The following NFU1 variants were observed in gnomAD, a reference collection of about 807,000 sequenced individuals.
NFU1 encodes NFU1 iron-sulfur cluster scaffold.
Under a neutral mutation model 32.2 loss-of-function variants are expected in NFU1, and 30 were observed. The ratio of observed to expected loss-of-function variants is 0.93; its 90% CI spans 0.70 to 1.26. The LOEUF (loss-of-function observed/expected upper bound fraction) is 1.26. NFU1 is among the 50% of genes most tolerant of loss of function. NFU1 has a pLI of 0.00. For synonymous variants in NFU1, 112 were observed against 104.6 expected (o/e 1.07, Z -0.43); for missense variants, 306 against 306.6 (o/e 1.00, Z 0.02).
chr2:69,423,739 A>G, intron 2 of NFU1, 22 bp from the exon 3 acceptor site: 2 of 1,540,738 alleles, frequency 1.3e-6, no homozygotes, highest in Non-Finnish European at 1.8e-6. Flanking sequence ...AAAGAAGAAA[A>G]TGTTATTCTA....
At chr2:69,403,922 T>A (rs1296005691) in intron 6 of NFU1, among the ~76,000 whole-genome samples, 1 of 151,326 alleles carries the variant, frequency 6.6e-6, no homozygotes, top group African/African-American at 2.4e-5. Flanking sequence ...CACTGCAAGC[T>A]CCGCCTCCCA....
chr2:69,424,201 A>ATATGTATATG (rs1673375739), intron 2 of NFU1, among the ~76,000 whole-genome samples: 2 of 82,170 alleles, frequency 2.4e-5, no homozygotes, highest in East Asian at 3.1e-4. Flanking sequence ...AAAAAAAAAT[A>ATATGTATATG]TATATATATA....
At chr2:69,439,053 A>G (rs1055278086), upstream of NFU1, among the ~76,000 whole-genome samples, 12 of 152,032 alleles carry the variant, frequency 7.9e-5, no homozygotes, top group African/African-American at 2.9e-4. Context: ...ATTCCTTATC[A>G]TAAGAAAAAT....
Position 69,437,430 on chromosome 2 carries a change from C to T in NFU1, c.-8G>A. The T allele has an allele frequency of 1.2e-6, 2 of 1,610,470 alleles. No homozygotes were observed. Among genetic ancestry groups the T allele is most frequent in the African/African-American group, 1.3e-5 (1 of 75,042 alleles). ...CCTGGCCGTCGCCGCCATCTTAGTCCGGAGTGCCTAAGGGTCTCCCTGACA... is the reference window on the plus strand; with the variant it reads ...CCTGGCCGTCGCCGCCATCTTAGTCTGGAGTGCCTAAGGGTCTCCCTGACA... On this transcript the variant is annotated 5_prime_UTR_variant, in exon 1 of 8. Coordinates refer to ENST00000410022, the MANE Select transcript of NFU1 (RefSeq NM_001002755.4).
intron 2 of NFU1, 78 bp downstream of exon 2, chr2:69,431,824 C>A (rs904736129): frequency 3.3e-6 from 3 of 905,356 alleles, no homozygotes; most frequent in Non-Finnish European, 5.5e-6. Context: ...AAATTCTCAT[C>A]TTTTATGATC....
At position 69,419,575 on chromosome 2, in the gene NFU1, C is replaced by T. The variant is rs756434076; in HGVS notation, c.332G>A (p.Ser111Asn). 2 of 1,590,286 alleles carry T rather than the reference C, an allele frequency of 1.3e-6. No individual in the cohort carries two copies. Among genetic ancestry groups the T allele is most frequent in the Non-Finnish European group, 1.7e-6 (2 of 1,159,636 alleles). The change falls in exon 4 of 8, where the codon AGT becomes AAT. Residue 111 changes from serine to asparagine, a missense_variant. Coordinates refer to ENST00000410022, the MANE Select transcript of NFU1 (RefSeq NM_001002755.4). ...RQLFRIEGVK[S>N]VFFGPDFITV... ...GATGAAATCTGGTCCAAAGAAGACA[C>T]TTTTTACTCCTTCAATCCTAAATAA...
chr2:69,411,511 T>A (rs1672876677), intron 5 of NFU1, among the ~76,000 whole-genome samples: 1 of 152,118 alleles, frequency 6.6e-6, no homozygotes. Flanking sequence ...TAAGTCACAG[T>A]TAGGGAGATA....
At position 69,396,253 on chromosome 2, in the gene NFU1, G is replaced by C; in HGVS notation, c.758C>G (p.Ser253Ter). Residue 253 changes from serine to a stop codon, truncating the protein, a stop_gained, in exon 8 of 8, where the codon TCA (serine) becomes TGA (stop). Transcript: ENST00000410022. LOFTEE classifies it high-confidence loss of function. ...DDESDEKEAN[S>*]P ...AAGAAAATCCAGATTATTTTAAGGT[G>C]AGTTTGCTTCTTTTTCATCTGATTC... is the stretch of plus-strand genomic sequence containing the variant. The C allele has an allele frequency of 6.2e-7, 1 of 1,611,098 alleles. No homozygotes were observed.
chr2:69,411,537 A>C (rs1205730566), intron 5 of NFU1, among the ~76,000 whole-genome samples: 2 of 152,190 alleles, frequency 1.3e-5, no homozygotes, highest in African/African-American at 4.8e-5. Context: ...TGCTAAGAAA[A>C]TACCTAACAA....
In NFU1 at chr2:69,437,360, C is replaced by A; in HGVS notation, c.62+1G>T. On this transcript the variant is annotated splice_donor_variant, in intron 1 of 7. Transcript: ENST00000410022. LOFTEE classifies it high-confidence loss of function. Reference sequence around the variant, plus strand: ...TTCGGAGCTCCAGGCTCGTCACCTACCGCCTGCGCAGCCCGGCGGCAACAG... The same window carrying A: ...TTCGGAGCTCCAGGCTCGTCACCTAACGCCTGCGCAGCCCGGCGGCAACAG... 2 of 1,607,232 alleles carry A rather than the reference C, an allele frequency of 1.2e-6. No homozygotes were observed. The highest frequency in any genetic ancestry group is 1.7e-6 in the Non-Finnish European group (2 of 1,178,452).
chr2:69,414,676 TTATATA>T (rs1198462085), intron 5 of NFU1, among the ~76,000 whole-genome samples: 2 of 150,452 alleles, frequency 1.3e-5, no homozygotes, highest in African/African-American at 4.9e-5. Context: ...AAAACTAGTC[TTATATA>T]TTCCCTGCAG....
intron 2 of NFU1, among the ~76,000 whole-genome samples, chr2:69,429,226 T>C (rs575837581): frequency 9.6e-4 from 147 of 152,338 alleles, no homozygotes; most frequent in Middle Eastern, 3.4e-3. Context: ...AATTTATTGC[T>C]AACCAAAATC....
upstream of NFU1, among the ~76,000 whole-genome samples, chr2:69,438,427 CAGT>C (rs899802880): frequency 4.6e-5 from 7 of 151,854 alleles, no homozygotes; most frequent in East Asian, 9.7e-4. Context: ...CTTTTATTAG[CAGT>C]AGTAGTAGTA....
At chr2:69,402,766 A>G (rs187303710) in intron 6 of NFU1, among the ~76,000 whole-genome samples, 1 of 151,794 alleles carries the variant, frequency 6.6e-6, no homozygotes, top group East Asian at 1.9e-4. Context: ...TTTTTTTAGT[A>G]GACACAAGGT....
chr2:69,434,334 G>A (rs989829119), intron 1 of NFU1, among the ~76,000 whole-genome samples: 1 of 150,762 alleles, frequency 6.6e-6, no homozygotes, highest in African/African-American at 2.4e-5. Flanking sequence ...AGTAGAGACA[G>A]GGTTTCACCA....
intron 2 of NFU1, among the ~76,000 whole-genome samples, chr2:69,425,824 T>C (rs773761204): frequency 1.3e-5 from 2 of 152,050 alleles, no homozygotes; most frequent in Non-Finnish European, 2.9e-5. Context: ...AACAACCCTG[T>C]AAAGAAGGAA....
rs754175892 is a variant in NFU1 at position 69,396,298 on chromosome 2, CA to C, written c.721-9del. ...TGATTCATCATCCATAACCTAAAAC[CA>C]AAAAACAAAGACAATTTAAGAATTA... On this transcript the variant is annotated splice_polypyrimidine_tract_variant and intron_variant, in intron 7 of 7. Transcript: ENST00000410022. 1.9e-6 allele frequency: 3 copies of C among 1,581,882 alleles called. No homozygotes were observed. Among genetic ancestry groups the C allele is most frequent in the Non-Finnish European group, 2.6e-6 (3 of 1,162,358 alleles).
At chr2:69,433,817 A>G (rs1025138616) in intron 1 of NFU1, among the ~76,000 whole-genome samples, 2 of 152,132 alleles carry the variant, frequency 1.3e-5, no homozygotes, top group African/African-American at 4.8e-5. Context: ...TCTGTCACCC[A>G]TGCTGGAGTA....
At chr2:69,402,651 G>A (rs892472669) in intron 6 of NFU1, among the ~76,000 whole-genome samples, 42 of 150,762 alleles carry the variant, frequency 2.8e-4, no homozygotes, top group African/African-American at 1.0e-3. Context: ...GCTCGATCTC[G>A]GCTCACTGTA....
Sources: allele counts gnomAD v4.1 joint callset (sites outside exome capture counted in the v4.1 genomes callset), GRCh38; gene constraint gnomAD v4.1.1; transcripts MANE v1.5; gene names NCBI Gene and HGNC (gene_info 2026-07-23, HGNC 2026-07-21).